The following TEX15 variants were observed in gnomAD, a reference collection of about 807,000 sequenced individuals.
TEX15 encodes the protein testis-expressed protein 15.
In TEX15, 171 loss-of-function variants were observed where a neutral mutation model predicts 237.3. That is an observed-to-expected ratio of 0.72 (90% CI 0.64 to 0.82). The LOEUF (loss-of-function observed/expected upper bound fraction) is 0.82, where lower values mean the gene tolerates loss of function less well. Ranked by LOEUF, TEX15 falls within the 40% of genes least tolerant of loss-of-function variation. TEX15 has a pLI of 0.00. For missense variants in TEX15, 3,750 were observed against 3,646.5 expected (o/e 1.03, Z -0.73); for synonymous variants, 1,338 against 1,269.8 (o/e 1.05, Z -1.14).
At chr8:30,903,110 G>T (rs1447980510) in intron 1 of TEX15, among the ~76,000 whole-genome samples, 2 of 152,150 alleles carry the variant, frequency 1.3e-5, no homozygotes, top group Non-Finnish European at 2.9e-5. Flanking sequence ...GGCACTCAAA[G>T]ATTTCCATGA....
intron 2 of TEX15, among the ~76,000 whole-genome samples, chr8:30,895,195 G>A (rs1248058899): frequency 6.8e-6 from 1 of 146,250 alleles, no homozygotes; most frequent in Non-Finnish European, 1.5e-5. Flanking sequence ...AAAATATGTA[G>A]TATAATGACT....
At chr8:30,871,535 T>C (rs1808291081) in intron 4 of TEX15, among the ~76,000 whole-genome samples, 1 of 152,108 alleles carries the variant, frequency 6.6e-6, no homozygotes, top group Non-Finnish European at 1.5e-5. Context: ...ACGACTAGGC[T>C]TGTACATCAA....
chr8:30,868,229 C>A (rs571676632), intron 4 of TEX15, among the ~76,000 whole-genome samples: 12 of 152,022 alleles, frequency 7.9e-5, no homozygotes, highest in Middle Eastern at 3.4e-3. Flanking sequence ...TATAGATAAT[C>A]CCCAATTCTA....
intron 5 of TEX15, among the ~76,000 whole-genome samples, chr8:30,863,688 C>T (rs1001005592): frequency 6.6e-6 from 1 of 151,788 alleles, no homozygotes; most frequent in African/African-American, 2.4e-5. Context: ...AAAAATACTA[C>T]TCAAAAGCAA....
chr8:30,845,515 G>A lies in TEX15; in HGVS notation c.4652C>T (p.Ser1551Phe). Residue 1551 changes from serine to phenylalanine, a missense_variant, in exon 8 of 11, where the codon TCT becomes TTT. Ser to Phe is a radical substitution (Grantham distance 155, BLOSUM62 -2). Transcript: ENST00000643185. Reference sequence around the variant, plus strand: ...GGAAAACAGATATGCAGTTTTTCCAGAAAAGGGCTGATGTTCTTCTGATAA... The same window carrying A: ...GGAAAACAGATATGCAGTTTTTCCAAAAAAGGGCTGATGTTCTTCTGATAA... ...PSLSEEHQPF[S>F]GKTAYLFSPD... 2 of 1,613,570 alleles carry A rather than the reference G, an allele frequency of 1.2e-6. No individual in the cohort carries two copies. Among genetic ancestry groups the A allele is most frequent in the Non-Finnish European group, 1.7e-6 (2 of 1,179,616 alleles).
chr8:30,871,298 C>T (rs1210811379), intron 4 of TEX15, among the ~76,000 whole-genome samples: 1 of 152,022 alleles, frequency 6.6e-6, no homozygotes, highest in Non-Finnish European at 1.5e-5. Context: ...GCTTACCACA[C>T]ACAGATTCTG....
At chr8:30,912,254 C>T (rs1049272775) in intron 1 of TEX15, among the ~76,000 whole-genome samples, 20 of 152,168 alleles carry the variant, frequency 1.3e-4, no homozygotes, top group Non-Finnish European at 2.4e-4. Context: ...GCCAGTCACC[C>T]GGGCGGCGTT....
rs1419392965 is a variant in TEX15 at position 30,886,687 on chromosome 8, T to C, written c.136+480A>G. Among the ~76,000 whole-genome samples the C allele has an allele frequency of 3.3e-5, 5 of 152,146 alleles. No homozygotes were observed. The East Asian group carries it at 9.7e-4, about 29-fold the overall frequency. On this transcript the variant is annotated intron_variant, in intron 3 of 10. Coordinates refer to ENST00000643185, the MANE Select transcript of TEX15 (RefSeq NM_001350162.2). The stretch of plus-strand genomic sequence containing the variant: ...TCACCCCAGTGGGAAACGGGAGGGG[T>C]ATATTTAATGTCAAACAGGTTTCCA...
chr8:30,835,066 C>T (rs1807260869), intron 10 of TEX15, among the ~76,000 whole-genome samples: 1 of 151,898 alleles, frequency 6.6e-6, no homozygotes, highest in Admixed American at 6.6e-5. Context: ...GCCAGGAGTC[C>T]GAGACCACCC....
rs149793265 is a variant in TEX15, at chr8:30,905,572, G to A, written c.-85-6755C>T. On this transcript the variant is annotated intron_variant, in intron 1 of 10. Transcript: ENST00000643185. ...TGACTTATTCACGCCATGGATAAGA[G>A]ATAATATTTTTGGTGGCAGTTTGGT... is the stretch of plus-strand genomic sequence containing the variant. Among the ~76,000 whole-genome samples, 183 of 152,090 alleles carry A rather than the reference G, an allele frequency of 1.2e-3. 2 individuals are homozygous for A. In the East Asian group the frequency reaches 0.032, roughly 27 times the overall value.
Position 30,848,098 on chromosome 8 carries a change from ATTT to A in TEX15, c.2066_2068del (p.Glu689_Ile690delinsVal). 6.2e-7 allele frequency: 1 copy of A among 1,610,432 alleles called. No homozygotes were observed. Among genetic ancestry groups the A allele is most frequent in the Non-Finnish European group, 8.5e-7 (1 of 1,178,168 alleles). On this transcript the variant is annotated inframe_deletion, in exon 8 of 11. Coordinates refer to ENST00000643185, the MANE Select transcript of TEX15 (RefSeq NM_001350162.2). ...TATGGTAGATGTAGAAGATTTTGTT[ATTT>A]CTAACTCTTGAGTAATTAATATTTT... is the stretch of plus-strand genomic sequence containing the variant.
chr8:30,841,885 T>C (rs537877403), intron 8 of TEX15, 119 bp downstream of exon 8: 4 of 621,892 alleles, frequency 6.4e-6, no homozygotes, highest in East Asian at 2.9e-5. Flanking sequence ...AGTAAATTCA[T>C]TTTGCCAGAC....
intron 1 of TEX15, among the ~76,000 whole-genome samples, chr8:30,909,760 A>G (rs1809180952): frequency 1.3e-5 from 2 of 152,230 alleles, no homozygotes; most frequent in Non-Finnish European, 2.9e-5. Flanking sequence ...AATTTTAAAC[A>G]TGCTTAATTG....
In TEX15 at chr8:30,845,704, G is replaced by A. The variant is rs369166583; in HGVS notation, c.4463C>T (p.Ser1488Phe). The A allele has an allele frequency of 9.3e-6, 15 of 1,613,418 alleles. No homozygotes were observed. The African/African-American group carries it at 1.3e-4, about 14-fold the overall frequency. Residue 1488 changes from serine to phenylalanine, a missense_variant, in exon 8 of 11, where the codon TCT becomes TTT. Ser to Phe is a radical substitution (Grantham distance 155, BLOSUM62 -2). Coordinates refer to ENST00000643185, the MANE Select transcript of TEX15 (RefSeq NM_001350162.2). ...YKTSGEKKCL[S>F]RKSMASSVSK... is the part of the protein sequence containing the mutation. ...GACACTGCTAGCCATACTTTTCCTA[G>A]AAAGGCATTTTTTCTCTCCACTTGT...
intron 2 of TEX15, among the ~76,000 whole-genome samples, chr8:30,889,928 T>C (rs1040615623): frequency 1.8e-5 from 2 of 112,240 alleles, no homozygotes; most frequent in Admixed American, 1.8e-4. Context: ...ATGTATTAGT[T>C]ATATACATAT....
At chr8:30,908,865 T>G (rs1228851477) in intron 1 of TEX15, among the ~76,000 whole-genome samples, 4 of 152,168 alleles carry the variant, frequency 2.6e-5, no homozygotes, top group African/African-American at 9.7e-5. Context: ...GGGCTTCAAG[T>G]AATCACACAA....
chr8:30,875,723 C>CA (rs1287078046), intron 3 of TEX15, among the ~76,000 whole-genome samples: 1 of 151,924 alleles, frequency 6.6e-6, no homozygotes, highest in Admixed American at 6.6e-5. Flanking sequence ...ACAAAGTTCC[C>CA]ACCAACATCG....
At chr8:30,855,790 G>A (rs1807895426) in intron 7 of TEX15, among the ~76,000 whole-genome samples, 2 of 152,082 alleles carry the variant, frequency 1.3e-5, no homozygotes, top group Admixed American at 6.6e-5. Context: ...CAACATGGAC[G>A]AACTGGGAAA....
At chr8:30,858,527 G>A in intron 7 of TEX15, 141 bp downstream of exon 7, 1 of 640,458 alleles carries the variant, frequency 1.6e-6, no homozygotes, top group Admixed American at 3.7e-5. Context: ...GGCCAGGTTG[G>A]CCTCAAGTAA....
Sources: gnomAD v4.1 joint callset for allele counts (sites outside exome capture counted in the v4.1 genomes callset) on GRCh38, gnomAD v4.1.1 for gene constraint, MANE v1.5 for transcripts, NCBI Gene and HGNC (gene_info 2026-07-23, HGNC 2026-07-21) for gene names.